Variants in MSN observed in about 807,000 individuals in gnomAD.
MSN encodes the protein epididymis luminal protein 70.
Under a neutral mutation model 48.0 loss-of-function variants are expected in MSN, and 2 were observed. That is an observed-to-expected ratio of 0.04 (90% CI 0.02 to 0.13). MSN has a LOEUF of 0.13. Ranked by LOEUF, MSN falls within the 10% of genes least tolerant of loss-of-function variation. The pLI is 1.00. For missense variants in MSN, 267 were observed against 470.1 expected (o/e 0.57, Z 3.99); for synonymous variants, 146 against 166.9 (o/e 0.87, Z 0.97).
At chrX:65,665,644 T>TA (rs1430085481), upstream of MSN, among the ~76,000 whole-genome samples, 2 of 111,597 alleles carry the variant, frequency 1.8e-5, no homozygotes, top group Admixed American at 1.9e-4. Context: ...GCAATCCTGT[T>TA]AGGCTCATCT....
At chrX:65,606,272 G>A in intron 1 of MSN, among the ~76,000 whole-genome samples, 1 of 109,131 alleles carries the variant, frequency 9.2e-6, no homozygotes, top group East Asian at 2.9e-4. Flanking sequence ...GGGATTACAG[G>A]CGCCCACCAC....
chrX:65,723,708 A>G (rs989305379), intron 2 of MSN, among the ~76,000 whole-genome samples: 1 of 111,982 alleles, frequency 8.9e-6, no homozygotes, highest in Non-Finnish European at 1.9e-5. Context: ...GGCTTGGAAA[A>G]GGGGTTTAGA....
At chrX:65,738,726 C>A in intron 11 of MSN, 109 bp downstream of exon 11, 1 of 751,598 alleles carries the variant, frequency 1.3e-6, no homozygotes, top group Non-Finnish European at 2.0e-6. Flanking sequence ...TCATACTTCC[C>A]ACAGCAGGCA....
At chrX:65,669,957 C>T (rs145653784) in intron 1 of MSN, among the ~76,000 whole-genome samples, 2,941 of 111,707 alleles carry the variant, frequency 0.026, 45 homozygotes, top group Middle Eastern at 0.055. Flanking sequence ...TCTCATTGAC[C>T]CTTTATTCTG....
intron 1 of MSN, among the ~76,000 whole-genome samples, chrX:65,641,778 C>T (rs1162651469): frequency 9.5e-6 from 1 of 105,243 alleles, no homozygotes; most frequent in East Asian, 3.0e-4. Flanking sequence ...TATAGCTAAG[C>T]GTGTAGAAAT....
chrX:65,731,998 C>A lies in MSN; in HGVS notation c.698+14C>A, dbSNP rs747346125. The A allele has an allele frequency of 8.3e-7, 1 of 1,200,789 alleles. No individual in the cohort carries two copies. Among genetic ancestry groups the A allele is most frequent in the South Asian group, 1.8e-5 (1 of 55,166 alleles). Reference sequence around the variant, plus strand: ...GCAGAATGACAGGTATATCTCAGATCTCTTTTAGTTTATTTAGGTCACGTT... The same window carrying A: ...GCAGAATGACAGGTATATCTCAGATATCTTTTAGTTTATTTAGGTCACGTT... On this transcript the variant is annotated intron_variant, in intron 6 of 12. Transcript: ENST00000360270.
chrX:65,731,840 A>G lies in MSN; in HGVS notation c.554A>G (p.Glu185Gly), dbSNP rs1435551048. 1 of 1,206,689 alleles carries G rather than the reference A, an allele frequency of 8.3e-7. No individual in the cohort carries two copies. Among genetic ancestry groups the G allele is most frequent in the African/African-American group, 1.7e-5 (1 of 57,373 alleles). Residue 185 changes from glutamate (E) to glycine (G), a missense_variant and splice_region_variant, in exon 6 of 13, where the codon GAG (glutamate) becomes GGG (glycine). Physicochemically the swap from Glu to Gly is moderately conservative, Grantham distance 98. Transcript: ENST00000360270. ...WHEEHRGMLR[E>G]DAVLEYLKIA... ...ACCCCCAACTCTGTGTCATTTAGGGAGGATGCTGTCCTGGAATATCTGAAG... is the reference window on the plus strand; with the variant it reads ...ACCCCCAACTCTGTGTCATTTAGGGGGGATGCTGTCCTGGAATATCTGAAG...
intron 1 of MSN, among the ~76,000 whole-genome samples, chrX:65,711,351 C>T (rs1046723164): frequency 1.9e-5 from 2 of 107,796 alleles, no homozygotes; most frequent in African/African-American, 6.8e-5. Flanking sequence ...TGAGCCACCG[C>T]GCCTGGCCTA....
intron 1 of MSN, among the ~76,000 whole-genome samples, chrX:65,615,034 T>C (rs1308768014): frequency 1.9e-5 from 2 of 102,845 alleles, no homozygotes; most frequent in African/African-American, 7.2e-5. Context: ...GGACATGAAC[T>C]CATCATTTTT....
At chrX:65,589,520 C>T (rs752737465) in intron 1 of MSN, 1 of 112,440 alleles carries the variant, frequency 8.9e-6, no homozygotes, top group African/African-American at 3.2e-5. Flanking sequence ...AGCTCCCTGC[C>T]TGGGTGCCTT....
intron 1 of MSN, among the ~76,000 whole-genome samples, chrX:65,599,130 TA>T (rs752852353): frequency 2.9e-3 from 267 of 93,343 alleles, no homozygotes; most frequent in East Asian, 3.3e-3. Flanking sequence ...TACTAAAAAT[TA>T]AAAAAAAAAA....
chrX:65,619,504 T>C (rs1447122387), intron 1 of MSN, among the ~76,000 whole-genome samples: 3 of 99,390 alleles, frequency 3.0e-5, no homozygotes. Flanking sequence ...TCGCATCGGC[T>C]CCTGAGGCTT....
chrX:65,614,481 G>T (rs948670641), intron 1 of MSN, among the ~76,000 whole-genome samples: 6 of 108,691 alleles, frequency 5.5e-5, no homozygotes, highest in Non-Finnish European at 1.1e-4. Flanking sequence ...CCATATTCAT[G>T]ATATTCTTTC....
chrX:65,736,197 T>C (rs1351080690), intron 8 of MSN, among the ~76,000 whole-genome samples: 1 of 111,238 alleles, frequency 9.0e-6, no homozygotes, highest in Non-Finnish European at 1.9e-5. Flanking sequence ...ATTTTCAAGA[T>C]AGGGGAACAA....
chrX:65,694,411 C>G (rs1400527988), intron 1 of MSN, among the ~76,000 whole-genome samples: 1 of 109,619 alleles, frequency 9.1e-6, no homozygotes, highest in South Asian at 4.0e-4. Context: ...CTCACTGCAG[C>G]CTTTGCCTCC....
intron 1 of MSN, among the ~76,000 whole-genome samples, chrX:65,687,031 A>G (rs1171775368): frequency 1.8e-5 from 2 of 111,796 alleles, no homozygotes; most frequent in East Asian, 5.6e-4. Context: ...CCATATAATC[A>G]TCTCTCAACC....
chrX:65,640,342 C>T (rs1427796718), intron 1 of MSN, among the ~76,000 whole-genome samples: 3 of 111,188 alleles, frequency 2.7e-5, no homozygotes, highest in Non-Finnish European at 5.7e-5. Flanking sequence ...AGTTTGAGAC[C>T]AGCCTGGCTA....
chrX:65,623,900 A>G (rs1269440789), intron 1 of MSN, among the ~76,000 whole-genome samples: 1 of 110,134 alleles, frequency 9.1e-6, no homozygotes, highest in East Asian at 2.8e-4. Flanking sequence ...CTGCTATTGC[A>G]ATCTCTGCTT....
At chrX:65,635,036 G>T (rs1425501067) in intron 1 of MSN, among the ~76,000 whole-genome samples, 1 of 111,743 alleles carries the variant, frequency 8.9e-6, no homozygotes, top group Non-Finnish European at 1.9e-5. Context: ...TGTCTTTATG[G>T]CTCCTACTCT....
Sources: allele counts gnomAD v4.1 joint callset (sites outside exome capture counted in the v4.1 genomes callset), GRCh38; gene constraint gnomAD v4.1.1; transcripts MANE v1.5; gene names NCBI Gene and HGNC (gene_info 2026-07-23, HGNC 2026-07-21).